CACNA1C: variants seen among roughly 807,000 people sequenced by gnomAD.
The protein encoded by CACNA1C is voltage-dependent L-type calcium channel subunit alpha-1C.
In CACNA1C, 30 loss-of-function variants were observed where a neutral mutation model predicts 229.0. The observed-to-expected ratio is 0.13, with a 90% confidence interval of 0.10 to 0.18. CACNA1C has a LOEUF of 0.18. Among genes scored for constraint, CACNA1C ranks in the 10% least tolerant of loss-of-function variants. The pLI is 1.00. For synonymous variants in CACNA1C, 1,114 were observed against 1,132.5 expected (o/e 0.98, Z 0.33); for missense variants, 1,658 against 2,845.0 (o/e 0.58, Z 9.49).
chr12:2,549,610 C>T (rs375582851), intron 9 of CACNA1C, among the ~76,000 whole-genome samples: 9 of 152,282 alleles, frequency 5.9e-5, no homozygotes, highest in Admixed American at 5.9e-4. Context: ...AAATGGAAAG[C>T]CTCTACAGCT....
At chr12:2,239,331 G>A (rs546243449) in intron 3 of CACNA1C, among the ~76,000 whole-genome samples, 31 of 152,080 alleles carry the variant, frequency 2.0e-4, no homozygotes, top group African/African-American at 7.5e-4. Flanking sequence ...GCCAATACCA[G>A]CTCTCCCAGG....
intron 29 of CACNA1C, among the ~76,000 whole-genome samples, chr12:2,616,533 C>T (rs1403176037): frequency 6.6e-6 from 1 of 152,234 alleles, no homozygotes; most frequent in Admixed American, 6.5e-5. Context: ...TCTTTCCCAC[C>T]CAGTCCTGAG....
intron 3 of CACNA1C, among the ~76,000 whole-genome samples, chr12:2,171,703 G>A (rs568213600): frequency 6.6e-6 from 1 of 152,320 alleles, no homozygotes; most frequent in African/African-American, 2.4e-5. Context: ...ATGGCAGGAA[G>A]AGAGGGAAAA....
chr12:2,145,872 C>T (rs754488844), intron 3 of CACNA1C, among the ~76,000 whole-genome samples: 6 of 151,218 alleles, frequency 4.0e-5, no homozygotes, highest in Admixed American at 1.3e-4. Flanking sequence ...TGCTGATCCA[C>T]ACCAGAAATG....
At chr12:2,572,143 T>C (rs540045249) in intron 13 of CACNA1C, among the ~76,000 whole-genome samples, 8 of 152,032 alleles carry the variant, frequency 5.3e-5, no homozygotes, top group Middle Eastern at 6.8e-3. Context: ...TCTCTAGAGA[T>C]TTTGGCCAGC....
intron 3 of CACNA1C, among the ~76,000 whole-genome samples, chr12:2,413,451 T>C (rs2098830919): frequency 6.6e-6 from 1 of 152,176 alleles, no homozygotes; most frequent in South Asian, 2.1e-4. Context: ...AATTGCCATG[T>C]GAATTTATTG....
chr12:2,001,774 C>A (rs1312719333), intron 1 of CACNA1C, among the ~76,000 whole-genome samples: 2 of 152,186 alleles, frequency 1.3e-5, no homozygotes, highest in African/African-American at 4.8e-5. Flanking sequence ...GCTAGGAACA[C>A]AACGTTAGTC....
In CACNA1C at chr12:2,535,754, T is replaced by C. The variant is rs1040431690; in HGVS notation, c.1391-14189T>C. Among the ~76,000 whole-genome samples, 443 of 50,082 alleles carry C rather than the reference T, an allele frequency of 8.8e-3. 1 individual carries two copies. Among genetic ancestry groups the C allele is most frequent in the African/African-American group, 0.028 (419 of 14,838 alleles). 32.9% of individuals were successfully genotyped at this position (50,082 alleles called of 152,430 possible). On this transcript the variant is annotated intron_variant, in intron 9 of 46. Coordinates refer to ENST00000399655, the MANE Select transcript of CACNA1C (RefSeq NM_000719.7). ...AAAAACCTAAAACTAAAACAACACA[T>C]AAAGTAGCCAGATGGACCAAAGACT...
intron 1 of CACNA1C, among the ~76,000 whole-genome samples, chr12:2,109,380 C>T (rs931448827): frequency 3.9e-5 from 6 of 152,104 alleles, no homozygotes; most frequent in South Asian, 4.1e-4. Context: ...AAACCTGAAA[C>T]GTGAGAAGGG....
chr12:2,576,362 C>A lies in CACNA1C; in HGVS notation c.1896-5228C>A, dbSNP rs573414058. ...CACCGGCACCCGGGTGCTGTAGAGCCCACAGTACTGAATGTGAGCTTGTGG... is the reference window on the plus strand; with the variant it reads ...CACCGGCACCCGGGTGCTGTAGAGCACACAGTACTGAATGTGAGCTTGTGG... On this transcript the variant is annotated intron_variant, in intron 13 of 46. Coordinates refer to ENST00000399655, the MANE Select transcript of CACNA1C (RefSeq NM_000719.7). Among the ~76,000 whole-genome samples, 5 of 152,210 alleles carry A rather than the reference C, an allele frequency of 3.3e-5. No individual in the cohort carries two copies. In the East Asian group the frequency reaches 9.7e-4, roughly 29 times the overall value.
At chr12:2,269,371 T>C (rs560946835) in intron 3 of CACNA1C, among the ~76,000 whole-genome samples, 3 of 152,298 alleles carry the variant, frequency 2.0e-5, no homozygotes, top group Admixed American at 6.5e-5. Flanking sequence ...CTGTCTCTTC[T>C]CTACTGATGG....
chr12:1,995,591 A>G (rs1363759049), intron 1 of CACNA1C, among the ~76,000 whole-genome samples: 2 of 152,044 alleles, frequency 1.3e-5, no homozygotes, highest in Non-Finnish European at 2.9e-5. Context: ...TCCACCTCCC[A>G]TTGTTGCCTC....
At chr12:2,581,489 G>A in intron 13 of CACNA1C, 101 bp from the exon 14 acceptor site, 1 of 1,082,268 alleles carries the variant, frequency 9.2e-7, no homozygotes. Flanking sequence ...GCATAGAGTG[G>A]CAGCTCCTCT....
chr12:2,624,038 A>AGTGAGAGGTGCTGGGCCC, intron 29 of CACNA1C, among the ~76,000 whole-genome samples: 1 of 152,360 alleles, frequency 6.6e-6, no homozygotes. Context: ...ACTCAGGGCC[A>AGTGAGAGGTGCTGGGCCC]GTGAGAGGTG....
At chr12:2,122,647 G>A (rs1448750744) in intron 3 of CACNA1C, among the ~76,000 whole-genome samples, 1 of 152,130 alleles carries the variant, frequency 6.6e-6, no homozygotes, top group Admixed American at 6.5e-5. Flanking sequence ...GTGTCTACAC[G>A]AACGTTTACT....
intron 30 of CACNA1C, among the ~76,000 whole-genome samples, chr12:2,640,226 G>A (rs1453386717): frequency 2.6e-5 from 4 of 152,200 alleles, no homozygotes; most frequent in Non-Finnish European, 5.9e-5. Flanking sequence ...GGCAAATCTT[G>A]GATTCAAACT....
chr12:2,422,054 A>G (rs2098984689), intron 3 of CACNA1C, among the ~76,000 whole-genome samples: 1 of 152,168 alleles, frequency 6.6e-6, no homozygotes, highest in Non-Finnish European at 1.5e-5. Flanking sequence ...TAATTTTTCA[A>G]TTTTGCAATC....
At chr12:2,434,219 C>G (rs1414785406) in intron 3 of CACNA1C, among the ~76,000 whole-genome samples, 2 of 152,130 alleles carry the variant, frequency 1.3e-5, no homozygotes, top group Non-Finnish European at 2.9e-5. Flanking sequence ...GGCCTGACCC[C>G]CCGTCTGTAA....
intron 5 of CACNA1C, among the ~76,000 whole-genome samples, chr12:2,463,744 G>A (rs1042048215): frequency 1.3e-5 from 2 of 152,190 alleles, no homozygotes; most frequent in African/African-American, 4.8e-5. Context: ...CACTGCAGAG[G>A]TGAAAATCAG....
Sources: gnomAD v4.1 joint callset for allele counts (sites outside exome capture counted in the v4.1 genomes callset) on GRCh38, gnomAD v4.1.1 for gene constraint, MANE v1.5 for transcripts, NCBI Gene and HGNC (gene_info 2026-07-23, HGNC 2026-07-21) for gene names.